Variants in PDCD6IP observed in about 807,000 individuals in gnomAD.
PDCD6IP encodes the protein programmed cell death 6-interacting protein.
Under a neutral mutation model 103.7 loss-of-function variants are expected in PDCD6IP, and 43 were observed. That is an observed-to-expected ratio of 0.41 (90% CI 0.32 to 0.53). The LOEUF is 0.53. PDCD6IP is among the 20% of genes least tolerant of loss of function. PDCD6IP has a pLI of 0.16. For synonymous variants in PDCD6IP, 354 were observed against 378.7 expected, an observed-to-expected ratio of 0.93 and a Z score of 0.76; for missense variants, 871 against 1,036.7, an observed-to-expected ratio of 0.84 and a Z score of 2.20.
At chr3:33,802,961 A>G (rs1575895063) in intron 1 of PDCD6IP, among the ~76,000 whole-genome samples, 1 of 152,176 alleles carries the variant, frequency 6.6e-6, no homozygotes, top group South Asian at 2.1e-4. Flanking sequence ...CTTCTCTGGC[A>G]TGATTTGGCT....
At chr3:33,828,748 G>T in intron 6 of PDCD6IP, 105 bp from the exon 7 acceptor site, 1 of 1,206,154 alleles carries the variant, frequency 8.3e-7, no homozygotes. Flanking sequence ...CATTAATGGG[G>T]TGATTCTAAT....
At chr3:33,830,727 G>A (rs574409953) in intron 7 of PDCD6IP, among the ~76,000 whole-genome samples, 1 of 152,044 alleles carries the variant, frequency 6.6e-6, no homozygotes, top group Non-Finnish European at 1.5e-5. Context: ...AGTTAACACA[G>A]AACACACTCA....
intron 9 of PDCD6IP, among the ~76,000 whole-genome samples, chr3:33,839,316 C>T (rs1697419569): frequency 6.6e-6 from 1 of 152,176 alleles, no homozygotes; most frequent in African/African-American, 2.4e-5. Context: ...CTAGCATATG[C>T]ATATACAGTA....
intron 15 of PDCD6IP, among the ~76,000 whole-genome samples, chr3:33,858,569 G>C (rs1484182728): frequency 1.3e-5 from 2 of 152,158 alleles, no homozygotes; most frequent in Admixed American, 6.5e-5. Context: ...CCAGCACTTT[G>C]GGAGGCTGAG....
At chr3:33,826,706 A>G (rs760030383) in intron 6 of PDCD6IP, 126 bp downstream of exon 6, 2 of 1,370,650 alleles carry the variant, frequency 1.5e-6, no homozygotes, top group Non-Finnish European at 1.9e-6. Context: ...TCTGAAGTAT[A>G]TAGTAGAAAT....
At chr3:33,818,546 G>A (rs866430395) in intron 3 of PDCD6IP, among the ~76,000 whole-genome samples, 4 of 122,144 alleles carry the variant, frequency 3.3e-5, no homozygotes, top group African/African-American at 9.5e-5. Context: ...TTGATAGGGA[G>A]TCTCACTCTG....
At chr3:33,832,495 G>A (rs967755869) in intron 7 of PDCD6IP, among the ~76,000 whole-genome samples, 2 of 151,906 alleles carry the variant, frequency 1.3e-5, no homozygotes, top group African/African-American at 2.4e-5. Context: ...TTACATATTT[G>A]GATTGTTGAT....
chr3:33,841,790 C>G, intron 9 of PDCD6IP, 107 bp from the exon 10 acceptor site: 1 of 780,892 alleles, frequency 1.3e-6, no homozygotes, highest in Non-Finnish European at 2.1e-6. Flanking sequence ...GGTGCTAACT[C>G]CATTGCTGTT....
chr3:33,859,052 T>G (rs1271617395), intron 15 of PDCD6IP, among the ~76,000 whole-genome samples: 1 of 152,168 alleles, frequency 6.6e-6, no homozygotes, highest in African/African-American at 2.4e-5. Flanking sequence ...TAATACCATA[T>G]TTAATTAAAA....
At chr3:33,823,259 T>C (rs6550233) in intron 4 of PDCD6IP, among the ~76,000 whole-genome samples, 152,233 of 152,234 alleles carry the variant, frequency 1, 76,116 homozygotes, top group Non-Finnish European at 1. Context: ...ACTGTTTCAC[T>C]CCCAAACCTC....
intron 3 of PDCD6IP, among the ~76,000 whole-genome samples, chr3:33,820,255 C>G (rs1157218336): frequency 2.6e-5 from 4 of 151,334 alleles, no homozygotes; most frequent in African/African-American, 4.9e-5. Flanking sequence ...TGCACTCCAG[C>G]CTGGGTGAGA....
At chr3:33,809,630 A>G (rs1258513890) in intron 1 of PDCD6IP, among the ~76,000 whole-genome samples, 2 of 152,240 alleles carry the variant, frequency 1.3e-5, no homozygotes, top group Non-Finnish European at 2.9e-5. Context: ...GTTGGCATTG[A>G]TTCATTATTA....
At chr3:33,801,529 G>A (rs188447024) in intron 1 of PDCD6IP, among the ~76,000 whole-genome samples, 2 of 152,150 alleles carry the variant, frequency 1.3e-5, no homozygotes, top group East Asian at 3.9e-4. Flanking sequence ...TTCTGGGTGT[G>A]GTAGCATGCA....
chr3:33,843,663 A>G (rs892644841), intron 10 of PDCD6IP, among the ~76,000 whole-genome samples: 1 of 152,120 alleles, frequency 6.6e-6, no homozygotes, highest in Non-Finnish European at 1.5e-5. Context: ...GCCCCCTACT[A>G]TCCTGTCATC....
chr3:33,863,993 T>C lies in PDCD6IP; in HGVS notation c.2121-13T>C. 1 of 1,585,146 alleles carries C rather than the reference T, an allele frequency of 6.3e-7. No homozygotes were observed. Among genetic ancestry groups the C allele is most frequent in the Non-Finnish European group, 8.7e-7 (1 of 1,155,794 alleles). On this transcript the variant is annotated splice_polypyrimidine_tract_variant and intron_variant, in intron 15 of 17. Transcript: ENST00000307296. ...TCTATCATGTTAATTTTTAACACTC[T>C]GTCTTTGATAAGGGACTTGCAACAA...
chr3:33,811,060 AT>A (rs1174529347), intron 1 of PDCD6IP: 4 of 429,440 alleles, frequency 9.3e-6, no homozygotes, highest in African/African-American at 4.1e-5. Flanking sequence ...TAATGTTTGT[AT>A]TTTTAGTAGA....
chr3:33,833,262 A>G (rs575545004), intron 7 of PDCD6IP, among the ~76,000 whole-genome samples: 118 of 152,236 alleles, frequency 7.8e-4, no homozygotes, highest in African/African-American at 2.7e-3. Context: ...TATTATCCAC[A>G]TCTAGTTTAG....
intron 6 of PDCD6IP, chr3:33,827,603 T>C (rs1227112008): frequency 6.6e-6 from 1 of 152,176 alleles, no homozygotes; most frequent in Non-Finnish European, 1.5e-5. Context: ...TCTCCTCTCA[T>C]GTTTTTTTCA....
At chr3:33,855,941 C>T (rs1450991797) in intron 15 of PDCD6IP, among the ~76,000 whole-genome samples, 2 of 152,182 alleles carry the variant, frequency 1.3e-5, no homozygotes, top group Non-Finnish European at 1.5e-5. Context: ...GGTACTGGTT[C>T]GTGGCCTGTT....
Sources: allele counts gnomAD v4.1 joint callset (sites outside exome capture counted in the v4.1 genomes callset), GRCh38; gene constraint gnomAD v4.1.1; transcripts MANE v1.5; gene names NCBI Gene and HGNC (gene_info 2026-07-23, HGNC 2026-07-21).